The following NKAIN2 variants were observed in gnomAD, a reference collection of about 807,000 sequenced individuals.
NKAIN2 encodes the protein sodium/potassium-transporting ATPase subunit beta-1-interacting protein 2.
NKAIN2 carries 14 observed loss-of-function variants against 32.6 expected under a neutral mutation model. That is an observed-to-expected ratio of 0.43 (90% CI 0.28 to 0.67). The LOEUF (loss-of-function observed/expected upper bound fraction) is 0.67, where lower values mean the gene tolerates loss of function less well. NKAIN2 is among the 30% of genes least tolerant of loss of function. The pLI, the probability that NKAIN2 is intolerant of heterozygous loss-of-function variation, is 0.17. For synonymous variants in NKAIN2, 80 were observed against 87.2 expected, an observed-to-expected ratio of 0.92 and a Z score of 0.46; for missense variants, 198 against 258.3, an observed-to-expected ratio of 0.77 and a Z score of 1.60.
At chr6:124,809,621 A>T (rs1303541006) in intron 5 of NKAIN2, among the ~76,000 whole-genome samples, 2 of 150,390 alleles carry the variant, frequency 1.3e-5, no homozygotes, top group African/African-American at 4.9e-5. Context: ...ACCAAAGCCA[A>T]AATTGACAAA....
At chr6:124,592,822 TTCCGTGTAGAG>T (rs1781959021) in intron 3 of NKAIN2, among the ~76,000 whole-genome samples, 1 of 152,196 alleles carries the variant, frequency 6.6e-6, no homozygotes, top group South Asian at 2.1e-4. Flanking sequence ...GAGCATAGTA[TTCCGTGTAGAG>T]TCCTTGCACA....
rs148305717 is a variant in NKAIN2 at position 124,208,092 on chromosome 6, C to G, written c.55-74913C>G. On this transcript the variant is annotated intron_variant, in intron 1 of 6. Coordinates refer to ENST00000368417, the MANE Select transcript of NKAIN2 (RefSeq NM_001040214.3). ...GTTCTTGTGTTAGCTGTGGAGAGTA[C>G]AACATGGACAAAAGTAACTCAAGCT... 2.2e-3 allele frequency among the ~76,000 whole-genome samples: 331 copies of G among 151,804 alleles called. 2 individuals carry two copies. The highest frequency in any genetic ancestry group is 7.3e-3 in the African/African-American group (302 of 41,448).
intron 1 of NKAIN2, among the ~76,000 whole-genome samples, chr6:123,992,695 G>A (rs1779463343): frequency 6.6e-6 from 1 of 152,206 alleles, no homozygotes; most frequent in African/African-American, 2.4e-5. Flanking sequence ...TGACTAGGAA[G>A]TGTTTAATGC....
chr6:124,577,365 G>A (rs1781371710), intron 3 of NKAIN2, among the ~76,000 whole-genome samples: 1 of 151,902 alleles, frequency 6.6e-6, no homozygotes, highest in Non-Finnish European at 1.5e-5. Context: ...AGCAGCAGCT[G>A]CATAGTGTGG....
chr6:124,660,142 A>G (rs1335247209), intron 4 of NKAIN2, among the ~76,000 whole-genome samples: 3 of 152,196 alleles, frequency 2.0e-5, no homozygotes, highest in African/African-American at 7.2e-5. Context: ...ATATCTTTAT[A>G]TATGTATTAA....
At chr6:123,818,440 TA>T (rs1410976351) in intron 1 of NKAIN2, among the ~76,000 whole-genome samples, 1 of 150,814 alleles carries the variant, frequency 6.6e-6, no homozygotes, top group Non-Finnish European at 1.5e-5. Context: ...GAAATAATAT[TA>T]AGCTATTAAC....
At chr6:124,556,674 G>C (rs1184276801) in intron 3 of NKAIN2, among the ~76,000 whole-genome samples, 1 of 152,120 alleles carries the variant, frequency 6.6e-6, no homozygotes, top group Non-Finnish European at 1.5e-5. Flanking sequence ...GCAGAAAACA[G>C]ACTAAGACAG....
At chr6:124,788,106 A>G (rs1779584484) in intron 4 of NKAIN2, among the ~76,000 whole-genome samples, 1 of 152,108 alleles carries the variant, frequency 6.6e-6, no homozygotes, top group African/African-American at 2.4e-5. Context: ...AATTACAGTT[A>G]TATGTATACC....
At chr6:124,290,086 T>A (rs1795733172) in intron 2 of NKAIN2, among the ~76,000 whole-genome samples, 2 of 152,050 alleles carry the variant, frequency 1.3e-5, no homozygotes, top group Admixed American at 1.3e-4. Flanking sequence ...GTTTAATGGA[T>A]TTAGCCTGTA....
intron 2 of NKAIN2, among the ~76,000 whole-genome samples, chr6:124,340,664 G>A (rs1172246627): frequency 1.3e-5 from 2 of 152,122 alleles, no homozygotes; most frequent in African/African-American, 2.4e-5. Flanking sequence ...AGTTTGCTAA[G>A]GATAAGCATG....
chr6:124,730,683 T>C (rs1776619205), intron 4 of NKAIN2, among the ~76,000 whole-genome samples: 1 of 148,488 alleles, frequency 6.7e-6, no homozygotes, highest in East Asian at 2.0e-4. Context: ...CCAAAAGCAA[T>C]GGCAACAAAA....
intron 3 of NKAIN2, among the ~76,000 whole-genome samples, chr6:124,363,517 A>C (rs2114288321): frequency 6.6e-6 from 1 of 152,350 alleles, no homozygotes; most frequent in East Asian, 1.9e-4. Context: ...CAAATTCTGT[A>C]CCAGGCTAAA....
At chr6:124,086,628 A>AT (rs1219102176) in intron 1 of NKAIN2, among the ~76,000 whole-genome samples, 1 of 151,960 alleles carries the variant, frequency 6.6e-6, no homozygotes, top group Non-Finnish European at 1.5e-5. Context: ...TATAGATCTC[A>AT]TGGACATTAA....
intron 3 of NKAIN2, among the ~76,000 whole-genome samples, chr6:124,394,761 G>A (rs930068156): frequency 6.6e-6 from 1 of 151,982 alleles, no homozygotes; most frequent in African/African-American, 2.4e-5. Context: ...CTATGTAAGA[G>A]AGCAAAATAT....
chr6:124,801,324 T>C (rs1780246037), intron 5 of NKAIN2, among the ~76,000 whole-genome samples: 1 of 152,204 alleles, frequency 6.6e-6, no homozygotes, highest in Non-Finnish European at 1.5e-5. Context: ...TGTGAACTAA[T>C]CCCAGAAATA....
At chr6:124,674,162 T>G (rs535653062) in intron 4 of NKAIN2, among the ~76,000 whole-genome samples, 4 of 152,154 alleles carry the variant, frequency 2.6e-5, no homozygotes, top group Admixed American at 1.3e-4. Flanking sequence ...TTTGACTGTA[T>G]ATGCATAGGC....
intron 1 of NKAIN2, among the ~76,000 whole-genome samples, chr6:123,842,156 G>C (rs756854473): frequency 1.3e-5 from 2 of 152,150 alleles, no homozygotes; most frequent in Non-Finnish European, 2.9e-5. Context: ...ATTACTTGGA[G>C]ACATTATACA....
intron 1 of NKAIN2, among the ~76,000 whole-genome samples, chr6:124,086,002 A>G (rs1350003236): frequency 6.6e-6 from 1 of 151,976 alleles, no homozygotes; most frequent in Non-Finnish European, 1.5e-5. Flanking sequence ...TAAAGGTAAA[A>G]TAACTTTCAG....
At chr6:124,194,221 A>C (rs542235821) in intron 1 of NKAIN2, among the ~76,000 whole-genome samples, 1 of 151,566 alleles carries the variant, frequency 6.6e-6, no homozygotes, top group Non-Finnish European at 1.5e-5. Flanking sequence ...GCTTCCACCC[A>C]AGATCTAGTC....
Sources: allele counts gnomAD v4.1 joint callset (sites outside exome capture counted in the v4.1 genomes callset), GRCh38; gene constraint gnomAD v4.1.1; transcripts MANE v1.5; gene names NCBI Gene and HGNC (gene_info 2026-07-23, HGNC 2026-07-21).